Variants in ELP3 observed in about 807,000 individuals in gnomAD.
ELP3 encodes elongator acetyltransferase complex subunit 3.
In ELP3, 56 loss-of-function variants were observed where a neutral mutation model predicts 74.9. The observed-to-expected ratio is 0.75, with a 90% confidence interval of 0.60 to 0.93. The LOEUF is 0.93. Ranked by LOEUF, ELP3 falls within the 40% of genes least tolerant of loss-of-function variation. The pLI, the probability that ELP3 is intolerant of heterozygous loss-of-function variation, is 0.00. For missense variants in ELP3, 573 were observed against 686.5 expected, an observed-to-expected ratio of 0.83 and a Z score of 1.85; for synonymous variants, 222 against 239.8, an observed-to-expected ratio of 0.93 and a Z score of 0.68.
At chr8:28,123,398 G>A (rs1812449030) in intron 7 of ELP3, among the ~76,000 whole-genome samples, 1 of 151,820 alleles carries the variant, frequency 6.6e-6, no homozygotes, top group Non-Finnish European at 1.5e-5. Context: ...TATAATTTTG[G>A]TGTTTTAAAA....
intron 14 of ELP3, among the ~76,000 whole-genome samples, chr8:28,170,230 GC>G (rs1265695288): frequency 5.9e-5 from 9 of 152,184 alleles, no homozygotes; most frequent in Non-Finnish European, 2.9e-5. Context: ...GGAGAAGGCA[GC>G]CATCTTTGGA....
At chr8:28,110,748 T>C (rs1811886154) in intron 6 of ELP3, 1 of 259,522 alleles carries the variant, frequency 3.9e-6, no homozygotes, top group East Asian at 1.1e-4. Flanking sequence ...AGACAATGGG[T>C]GGGTGTGTTG....
At position 28,191,058 on chromosome 8, in the gene ELP3, C is replaced by T. The variant is rs1212202615; in HGVS notation, c.*1333C>T. ...AGAGGGTCAGTTCCTAAGTTAAAAG[C>T]ATCGCTTAACCTTGGCTCCTGTGGC... On this transcript the variant is annotated 3_prime_UTR_variant, in exon 15 of 15. Transcript: ENST00000256398. The T allele has an allele frequency of 6.6e-6, 1 of 152,214 alleles. No homozygotes were observed. The highest frequency in any genetic ancestry group is 1.9e-4 in the East Asian group (1 of 5,198). 9.4% of individuals were successfully genotyped at this position (152,214 alleles called of 1,614,324 possible).
chr8:28,125,995 CCTT>C (rs975833597), intron 7 of ELP3, among the ~76,000 whole-genome samples: 2 of 151,968 alleles, frequency 1.3e-5, no homozygotes, highest in Non-Finnish European at 1.5e-5. Flanking sequence ...TTCATTTATT[CCTT>C]CTTCAAATTT....
At chr8:28,107,706 T>G (rs1811752705) in intron 4 of ELP3, among the ~76,000 whole-genome samples, 1 of 152,276 alleles carries the variant, frequency 6.6e-6, no homozygotes, top group African/African-American at 2.4e-5. Flanking sequence ...AAAATGGGTG[T>G]AATAATGTCC....
intron 7 of ELP3, among the ~76,000 whole-genome samples, chr8:28,117,485 C>G (rs933629548): frequency 6.6e-6 from 1 of 152,042 alleles, no homozygotes. Flanking sequence ...CTAGGCAGTG[C>G]CAGTGTTGTT....
chr8:28,098,654 C>T (rs1811351362), intron 2 of ELP3, among the ~76,000 whole-genome samples: 1 of 152,248 alleles, frequency 6.6e-6, no homozygotes, highest in African/African-American at 2.4e-5. Flanking sequence ...TGGAAGGTCT[C>T]TCAGTCTGGC....
Position 28,190,841 on chromosome 8 carries a change from G to A in ELP3, c.*1116G>A, listed in dbSNP as rs1471747332. 6.6e-6 allele frequency: 1 copy of A among 152,262 alleles called. No homozygotes were observed. Among genetic ancestry groups the A allele is most frequent in the African/African-American group, 2.4e-5 (1 of 41,452 alleles). The allele number at this position is 152,262 out of a possible 1,614,324, so 9.4% of individuals were successfully genotyped here. On this transcript the variant is annotated 3_prime_UTR_variant, in exon 15 of 15. Transcript: ENST00000256398. Reference sequence around the variant, plus strand: ...CCCTAAATGCCGGGATTACAGGCATGAGCCACCGCTCCCAGCCTTTGATTT... The same window carrying A: ...CCCTAAATGCCGGGATTACAGGCATAAGCCACCGCTCCCAGCCTTTGATTT...
intron 14 of ELP3, among the ~76,000 whole-genome samples, chr8:28,164,470 C>A (rs1206711435): frequency 6.6e-6 from 1 of 152,078 alleles, no homozygotes; most frequent in Non-Finnish European, 1.5e-5. Flanking sequence ...CAAGGGGTTT[C>A]TTTTGGCAGT....
intron 3 of ELP3, among the ~76,000 whole-genome samples, chr8:28,101,925 C>T (rs1369384604): frequency 6.6e-6 from 1 of 152,116 alleles, no homozygotes; most frequent in Non-Finnish European, 1.5e-5. Flanking sequence ...GTGGGCTTGC[C>T]ATTAAAGAAG....
At chr8:28,139,443 A>C (rs1813134696) in intron 10 of ELP3, among the ~76,000 whole-genome samples, 2 of 152,298 alleles carry the variant, frequency 1.3e-5, no homozygotes, top group South Asian at 4.1e-4. Flanking sequence ...GTGTAAATGT[A>C]ATGAATAACA....
At chr8:28,155,694 A>G (rs1458356762) in intron 10 of ELP3, among the ~76,000 whole-genome samples, 1 of 152,202 alleles carries the variant, frequency 6.6e-6, no homozygotes, top group Non-Finnish European at 1.5e-5. Context: ...TAATTTTATA[A>G]AGTGATTTCC....
chr8:28,161,542 C>T (rs892193694), intron 13 of ELP3, among the ~76,000 whole-genome samples: 4 of 150,506 alleles, frequency 2.7e-5, no homozygotes, highest in Non-Finnish European at 5.9e-5. Context: ...CCAGAGTGAT[C>T]TCGCCCAATG....
upstream of ELP3, among the ~76,000 whole-genome samples, chr8:28,091,525 TC>T (rs1811053568): frequency 6.6e-6 from 1 of 152,178 alleles, no homozygotes; most frequent in Non-Finnish European, 1.5e-5. Context: ...AGTTTCAGTG[TC>T]ATAGTGGGGT....
upstream of ELP3, chr8:28,093,085 G>A (rs1563241288): frequency 1.4e-6 from 2 of 1,478,286 alleles, no homozygotes; most frequent in Non-Finnish European, 1.9e-6. Flanking sequence ...CGGCTTCCGG[G>A]AAGAGCTTTA....
intron 2 of ELP3, among the ~76,000 whole-genome samples, chr8:28,099,589 C>T (rs188405514): frequency 4.5e-4 from 69 of 152,294 alleles, no homozygotes; most frequent in Non-Finnish European, 8.5e-4. Flanking sequence ...GTCCAGGGAC[C>T]CTTCTCCCTC....
intron 9 of ELP3, among the ~76,000 whole-genome samples, chr8:28,137,424 A>C (rs1164455679): frequency 1.3e-5 from 2 of 152,220 alleles, no homozygotes; most frequent in Non-Finnish European, 2.9e-5. Context: ...AGGAGTGGAA[A>C]GGCCAGATGG....
At chr8:28,108,582 G>A (rs890009536) in intron 5 of ELP3, among the ~76,000 whole-genome samples, 3 of 146,808 alleles carry the variant, frequency 2.0e-5, no homozygotes, top group Non-Finnish European at 4.4e-5. Flanking sequence ...TCAGCCTCCC[G>A]AGTAGCTGGG....
chr8:28,099,857 G>A lies in ELP3; in HGVS notation c.149G>A (p.Gly50Asp), dbSNP rs769996799. The A allele has an allele frequency of 4.3e-6, 7 of 1,614,156 alleles. No individual in the cohort carries two copies. The highest frequency in any genetic ancestry group is 1.3e-5 in the African/African-American group (1 of 75,028). ...AAAACCAAGACAGCTGCCAAATATG[G>A]CCTTTCTGCCCAGCCCCGCCTGGTG... The part of the protein sequence containing the change: ...KVKTKTAAKY[G>D]LSAQPRLVDI... The change falls in exon 3 of 15, where the codon GGC becomes GAC. Residue 50 changes from glycine (G) to aspartate (D), a missense_variant. By Grantham distance (94) the Gly-to-Asp change is moderately conservative. Coordinates refer to ENST00000256398, the MANE Select transcript of ELP3 (RefSeq NM_018091.6).
Sources: allele counts gnomAD v4.1 joint callset (sites outside exome capture counted in the v4.1 genomes callset), GRCh38; gene constraint gnomAD v4.1.1; transcripts MANE v1.5; gene names NCBI Gene and HGNC (gene_info 2026-07-23, HGNC 2026-07-21).